TLN2: variants seen among roughly 807,000 people sequenced by gnomAD.
TLN2 encodes talin-2.
In TLN2, 118 loss-of-function variants were observed where a neutral mutation model predicts 294.7. That is an observed-to-expected ratio of 0.40 (90% CI 0.34 to 0.47). TLN2 has a LOEUF of 0.47. TLN2 is among the 20% of genes least tolerant of loss of function. The pLI, the probability that TLN2 is intolerant of heterozygous loss-of-function variation, is 0.84. For missense variants in TLN2, 3,083 were observed against 3,282.2 expected (o/e 0.94, Z 1.48); for synonymous variants, 1,431 against 1,304.5 (o/e 1.10, Z -2.09).
chr15:62,803,115 T>C (rs1007934996), intron 50 of TLN2, among the ~76,000 whole-genome samples: 6 of 152,232 alleles, frequency 3.9e-5, no homozygotes, highest in African/African-American at 1.4e-4. Flanking sequence ...TAAATGTTTT[T>C]TTCCTTCAGG....
At chr15:62,607,556 G>C (rs1017063098) in intron 2 of TLN2, among the ~76,000 whole-genome samples, 37 of 152,266 alleles carry the variant, frequency 2.4e-4, no homozygotes, top group African/African-American at 7.9e-4. Context: ...GGAGTTTAGA[G>C]AAAATATAAG....
intron 11 of TLN2, among the ~76,000 whole-genome samples, chr15:62,678,864 A>C (rs936004472): frequency 6.6e-6 from 1 of 152,184 alleles, no homozygotes; most frequent in Non-Finnish European, 1.5e-5. Context: ...GTAAGAATTG[A>C]AATCAGAATA....
intron 1 of TLN2, among the ~76,000 whole-genome samples, chr15:62,508,486 A>G (rs1366831000): frequency 6.6e-6 from 1 of 152,194 alleles, no homozygotes; most frequent in African/African-American, 2.4e-5. Context: ...AAGTGCTGGG[A>G]TTACAGGCGT....
intron 11 of TLN2, among the ~76,000 whole-genome samples, chr15:62,685,104 A>C (rs1486112801): frequency 6.6e-6 from 1 of 151,956 alleles, no homozygotes. Flanking sequence ...AGCATGAAAA[A>C]ATAATACAAA....
chr15:62,455,527 G>T (rs903435985), intron 1 of TLN2, among the ~76,000 whole-genome samples: 1 of 152,186 alleles, frequency 6.6e-6, no homozygotes, highest in African/African-American at 2.4e-5. Flanking sequence ...CCTAGTGTCG[G>T]TTGTGAGCTG....
At chr15:62,820,356 G>T in intron 53 of TLN2, 130 bp from the exon 54 acceptor site, 1 of 852,312 alleles carries the variant, frequency 1.2e-6, no homozygotes, top group Non-Finnish European at 1.6e-6. Context: ...ACGGAAGGAA[G>T]GTTCCTTAGG....
intron 1 of TLN2, among the ~76,000 whole-genome samples, chr15:62,433,536 T>C (rs1364019287): frequency 1.3e-5 from 2 of 152,278 alleles, no homozygotes; most frequent in Non-Finnish European, 2.9e-5. Context: ...TCCTCTTGAC[T>C]ATGGACTGTG....
chr15:62,693,010 G>A, intron 13 of TLN2, 69 bp downstream of exon 13: 1 of 1,364,570 alleles, frequency 7.3e-7, no homozygotes. Context: ...CGATGACGTG[G>A]CTACCTTGAA....
chr15:62,808,047 C>T (rs991757240), intron 51 of TLN2, among the ~76,000 whole-genome samples: 19 of 152,116 alleles, frequency 1.2e-4, no homozygotes, highest in Non-Finnish European at 1.0e-4. Flanking sequence ...AGGGCCGAGT[C>T]GCCCTAGTCC....
At chr15:62,673,064 T>C (rs1462028151) in intron 9 of TLN2, among the ~76,000 whole-genome samples, 4 of 65,012 alleles carry the variant, frequency 6.2e-5, no homozygotes, top group African/African-American at 1.8e-4. Flanking sequence ...TGTAATATCC[T>C]AATTTAATTG....
intron 55 of TLN2, chr15:62,834,778 C>A (rs1005708277): frequency 8.3e-6 from 1 of 120,914 alleles, no homozygotes; most frequent in Non-Finnish European, 1.8e-5. Context: ...TGTCATTGAA[C>A]GGAATATCCT....
chr15:62,509,584 C>T (rs745587667), intron 1 of TLN2, among the ~76,000 whole-genome samples: 3 of 152,196 alleles, frequency 2.0e-5, no homozygotes, highest in African/African-American at 7.2e-5. Flanking sequence ...CTCCTATCTT[C>T]GGCATAACTT....
At chr15:62,772,787 C>T (rs1380252209) in intron 42 of TLN2, among the ~76,000 whole-genome samples, 2 of 152,016 alleles carry the variant, frequency 1.3e-5, no homozygotes, top group South Asian at 2.1e-4. Flanking sequence ...CTCAGCCTCC[C>T]GGGTAGCTGG....
chr15:62,609,790 C>A (rs972461962), intron 2 of TLN2, among the ~76,000 whole-genome samples: 1 of 152,044 alleles, frequency 6.6e-6, no homozygotes, highest in Non-Finnish European at 1.5e-5. Context: ...TGTGGAGGGT[C>A]CTTTGAAACT....
intron 28 of TLN2, 101 bp from the exon 29 acceptor site, chr15:62,736,777 C>A: frequency 7.9e-7 from 1 of 1,258,604 alleles, no homozygotes; most frequent in Admixed American, 2.3e-5. Flanking sequence ...TAATCTGCAG[C>A]TCCCCTTCTG....
chr15:62,408,293 A>G (rs1349653347), intron 1 of TLN2, among the ~76,000 whole-genome samples: 1 of 152,198 alleles, frequency 6.6e-6, no homozygotes, highest in African/African-American at 2.4e-5. Flanking sequence ...ATGTGCTTGT[A>G]TTAACTAAAG....
At chr15:62,802,864 T>C (rs965231257) in intron 50 of TLN2, among the ~76,000 whole-genome samples, 4 of 152,218 alleles carry the variant, frequency 2.6e-5, no homozygotes, top group African/African-American at 7.2e-5. Flanking sequence ...TGTTTGCCGT[T>C]TGTATGTCTT....
intron 1 of TLN2, among the ~76,000 whole-genome samples, chr15:62,569,092 G>A (rs1383644327): frequency 6.6e-6 from 1 of 152,106 alleles, no homozygotes; most frequent in East Asian, 1.9e-4. Flanking sequence ...GTGTCACGCC[G>A]CACTCTGCCT....
At chr15:62,663,414 A>G (rs991719716) in intron 9 of TLN2, among the ~76,000 whole-genome samples, 1 of 152,056 alleles carries the variant, frequency 6.6e-6, no homozygotes, top group Non-Finnish European at 1.5e-5. Context: ...TCTTATCAAC[A>G]TGATACTAAA....
Sources: gnomAD v4.1 joint callset for allele counts (sites outside exome capture counted in the v4.1 genomes callset) on GRCh38, gnomAD v4.1.1 for gene constraint, MANE v1.5 for transcripts, NCBI Gene and HGNC (gene_info 2026-07-23, HGNC 2026-07-21) for gene names.